Variants in TDRD9 observed in about 807,000 individuals in gnomAD.
TDRD9 encodes the protein ATP-dependent RNA helicase TDRD9.
TDRD9 carries 124 observed loss-of-function variants against 172.6 expected under a neutral mutation model. The observed-to-expected ratio is 0.72, with a 90% CI of 0.62 to 0.83. The LOEUF is 0.83. TDRD9 is among the 40% of genes least tolerant of loss of function. The pLI is 0.00. For missense variants in TDRD9, 1,479 were observed against 1,714.1 expected, an observed-to-expected ratio of 0.86 and a Z score of 2.42; for synonymous variants, 619 against 617.1, an observed-to-expected ratio of 1.00 and a Z score of -0.05.
At chr14:103,970,687 C>G in intron 6 of TDRD9, 66 bp downstream of exon 6, 1 of 1,311,438 alleles carries the variant, frequency 7.6e-7, no homozygotes, top group Admixed American at 2.0e-5. Context: ...TTTTGTTTCT[C>G]TCTATAGTCT....
chr14:103,965,389 C>T lies in TDRD9; in HGVS notation c.477C>T (p.Ser159=), dbSNP rs540341966. 37 of 1,551,620 alleles carry T rather than the reference C, an allele frequency of 2.4e-5. No individual in the cohort carries two copies. The East Asian group carries it at 5.4e-4, about 23-fold the overall frequency. Residue 159 remains serine, a synonymous_variant, in exon 4 of 36, where the codon AGC becomes AGT. Coordinates refer to ENST00000409874, the MANE Select transcript of TDRD9 (RefSeq NM_153046.3). ...TGATTATCCATGGGGCCACGGGAAG[C>T]GGTAAAAGCACTCAGCTCCCGCAGT... ...SVVIIHGATG[S]GKSTQLPQYI... is the part of the protein sequence containing the mutation.
intron 28 of TDRD9, among the ~76,000 whole-genome samples, chr14:104,027,581 A>G (rs776829418): frequency 1.5e-4 from 23 of 152,338 alleles, no homozygotes; most frequent in Middle Eastern, 3.4e-3. Flanking sequence ...TAGTTGCCAC[A>G]TAATCATTGT....
intron 33 of TDRD9, among the ~76,000 whole-genome samples, chr14:104,040,588 T>C (rs1425358807): frequency 6.6e-6 from 1 of 152,352 alleles, no homozygotes; most frequent in African/African-American, 2.4e-5. Context: ...TGGTGTCTCC[T>C]GGCATAAGCT....
At position 103,965,485 on chromosome 14, in the gene TDRD9, G is replaced by A; in HGVS notation, c.573G>A (p.Gly191=). ...SIVVTQPRKI[G]ASSIARWISK... The stretch of plus-strand genomic sequence containing the variant: ...TGGTCACCCAGCCCCGGAAGATAGG[G>A]GCAAGCAGCATCGCCAGGTGGATCA... Residue 191 remains glycine (G), a synonymous_variant, in exon 4 of 36, where the codon GGG becomes GGA. Coordinates refer to ENST00000409874, the MANE Select transcript of TDRD9 (RefSeq NM_153046.3). 1.9e-6 allele frequency: 3 copies of A among 1,551,052 alleles called. 1 individual carries two copies. In the South Asian group the frequency reaches 3.6e-5, roughly 18 times the overall value.
At chr14:104,049,105 T>C (rs990413092) in intron 34 of TDRD9, among the ~76,000 whole-genome samples, 1 of 124,610 alleles carries the variant, frequency 8.0e-6, no homozygotes, top group African/African-American at 3.1e-5. Flanking sequence ...TTGGTATGTA[T>C]GTATGTATGT....
chr14:104,017,247 T>A (rs1042713521), intron 22 of TDRD9, among the ~76,000 whole-genome samples: 4 of 151,846 alleles, frequency 2.6e-5, no homozygotes, highest in Admixed American at 2.6e-4. Flanking sequence ...GAGAGCCTAG[T>A]CTGGGGGCCC....
intron 8 of TDRD9, among the ~76,000 whole-genome samples, chr14:103,988,091 C>A (rs2033738694): frequency 6.6e-6 from 1 of 152,114 alleles, no homozygotes; most frequent in African/African-American, 2.4e-5. Context: ...TTGCATGACA[C>A]ATATTTTTTC....
intron 30 of TDRD9, among the ~76,000 whole-genome samples, 192 bp from the exon 31 acceptor site, chr14:104,033,767 CT>C (rs1258934271): frequency 6.6e-6 from 1 of 152,122 alleles, no homozygotes; most frequent in Non-Finnish European, 1.5e-5. Context: ...TGAGGACCAG[CT>C]TGAGGACTCC....
chr14:104,032,910 C>G (rs1234041872), intron 30 of TDRD9, among the ~76,000 whole-genome samples: 1 of 152,100 alleles, frequency 6.6e-6, no homozygotes, highest in African/African-American at 2.4e-5. Flanking sequence ...AAATCTGAGG[C>G]CTGGCGGATA....
intron 34 of TDRD9, among the ~76,000 whole-genome samples, chr14:104,048,604 T>A (rs1241462956): frequency 1.3e-5 from 2 of 152,102 alleles, no homozygotes; most frequent in Non-Finnish European, 2.9e-5. Flanking sequence ...CACTTTTTGA[T>A]TCTTCCCTGG....
In TDRD9 at chr14:103,929,471, CA is replaced by C; in HGVS notation, c.215+748del. ...TTAATATTCCACTGTCTGGATGTACCACAGTTTATCTCCATTCACCTACTGA... is the reference window on the plus strand; with the variant it reads ...TTAATATTCCACTGTCTGGATGTACCCAGTTTATCTCCATTCACCTACTGA... On this transcript the variant is annotated intron_variant, in intron 1 of 35. Coordinates refer to ENST00000409874, the MANE Select transcript of TDRD9 (RefSeq NM_153046.3). Among the ~76,000 whole-genome samples, 3 of 152,062 alleles carry C rather than the reference CA, an allele frequency of 2.0e-5. No individual in the cohort carries two copies. The South Asian group carries it at 6.2e-4, about 32-fold the overall frequency.
At chr14:103,958,100 C>T (rs954442792) in intron 2 of TDRD9, among the ~76,000 whole-genome samples, 2 of 152,128 alleles carry the variant, frequency 1.3e-5, no homozygotes, top group Non-Finnish European at 2.9e-5. Context: ...GACTTTAACT[C>T]TGATCATCTC....
At chr14:104,028,790 C>G (rs1311057400) in intron 28 of TDRD9, among the ~76,000 whole-genome samples, 2 of 151,988 alleles carry the variant, frequency 1.3e-5, no homozygotes, top group African/African-American at 4.8e-5. Context: ...TTGTTTTCTT[C>G]TAGTAGTTTT....
rs922945709 is a variant in TDRD9, at chr14:103,967,756, G to T, written c.765+925G>T. Reference sequence around the variant, plus strand: ...ATGATCTACTGTTTCTTACAAAATAGGGTGATATATAATACGGTTCAGAAT... The same window carrying T: ...ATGATCTACTGTTTCTTACAAAATATGGTGATATATAATACGGTTCAGAAT... On this transcript the variant is annotated intron_variant, in intron 5 of 35. Coordinates refer to ENST00000409874, the MANE Select transcript of TDRD9 (RefSeq NM_153046.3). Among the ~76,000 whole-genome samples the T allele has an allele frequency of 2.0e-5, 3 of 152,156 alleles. No homozygotes were observed. In the East Asian group the frequency reaches 5.8e-4, roughly 29 times the overall value.
chr14:104,021,586 G>A (rs1457406471), intron 23 of TDRD9, among the ~76,000 whole-genome samples: 6 of 152,084 alleles, frequency 3.9e-5, no homozygotes, highest in Non-Finnish European at 8.8e-5. Flanking sequence ...CCAGCTACTC[G>A]GGAGGCTGAA....
chr14:103,957,192 A>AT (rs1030917494), intron 2 of TDRD9, among the ~76,000 whole-genome samples: 4 of 151,976 alleles, frequency 2.6e-5, no homozygotes, highest in African/African-American at 9.7e-5. Context: ...TGTGTTTTTC[A>AT]TTTTTTTGGT....
chr14:103,994,477 A>G (rs2152202472), intron 10 of TDRD9, 42 bp from the exon 11 acceptor site: 2 of 1,605,736 alleles, frequency 1.2e-6, no homozygotes, highest in Admixed American at 1.7e-5. Flanking sequence ...TATCTCATGT[A>G]TATCTATTCT....
intron 9 of TDRD9, among the ~76,000 whole-genome samples, chr14:103,991,467 C>T (rs1461213499): frequency 6.6e-6 from 1 of 151,934 alleles, no homozygotes; most frequent in Non-Finnish European, 1.5e-5. Context: ...GGCTGGAGTG[C>T]AGTGGCACGA....
intron 1 of TDRD9, chr14:103,940,900 G>A (rs761917610): frequency 5.9e-6 from 9 of 1,535,240 alleles, no homozygotes; most frequent in Non-Finnish European, 7.8e-6. Flanking sequence ...ACTGGAAATG[G>A]TGGGTATTTC....
Sources: gnomAD v4.1 joint callset for allele counts (sites outside exome capture counted in the v4.1 genomes callset) on GRCh38, gnomAD v4.1.1 for gene constraint, MANE v1.5 for transcripts, NCBI Gene and HGNC (gene_info 2026-07-23, HGNC 2026-07-21) for gene names.